CDC123: variants seen among roughly 807,000 people sequenced by gnomAD.
CDC123 encodes the protein translation initiation factor eIF2 assembly protein.
CDC123 carries 37 observed loss-of-function variants against 54.4 expected under a neutral mutation model. That is an observed-to-expected ratio of 0.68 (90% CI 0.52 to 0.89). The LOEUF (loss-of-function observed/expected upper bound fraction) is 0.89, where lower values mean the gene tolerates loss of function less well. Ranked by LOEUF, CDC123 falls within the 40% of genes least tolerant of loss-of-function variation. The pLI is 0.00. For synonymous variants in CDC123, 144 were observed against 136.8 expected (o/e 1.05, Z -0.37); for missense variants, 361 against 412.1 (o/e 0.88, Z 1.07).
chr10:12,219,419 T>C (rs1835704832), intron 6 of CDC123, among the ~76,000 whole-genome samples: 1 of 152,164 alleles, frequency 6.6e-6, no homozygotes. Context: ...CCCAAGCTGG[T>C]CTCAAACTCC....
At chr10:12,237,386 C>G (rs1379966211) in intron 9 of CDC123, 120 bp downstream of exon 9, 12 of 726,768 alleles carry the variant, frequency 1.7e-5, no homozygotes, top group African/African-American at 1.9e-5. Context: ...AAGCATTTTA[C>G]TATATTATTA....
In CDC123 at chr10:12,216,176, A is replaced by C. The variant is rs78251534; in HGVS notation, c.333+341A>C. Among the ~76,000 whole-genome samples, 913 of 152,362 alleles carry C rather than the reference A, an allele frequency of 6.0e-3. 12 individuals are homozygous for C. The highest frequency in any genetic ancestry group is 0.02 in the African/African-American group (852 of 41,576). ...TTGTTGAAAAGTAATAAAAATAAAAAAAGTAATAGTGTCATAGGCTATAGA... is the reference window on the plus strand; with the variant it reads ...TTGTTGAAAAGTAATAAAAATAAAACAAGTAATAGTGTCATAGGCTATAGA... On this transcript the variant is annotated intron_variant, in intron 5 of 12. Coordinates refer to ENST00000281141, the MANE Select transcript of CDC123 (RefSeq NM_006023.3).
intron 2 of CDC123, among the ~76,000 whole-genome samples, chr10:12,201,313 A>C (rs942287958): frequency 1.3e-5 from 2 of 152,218 alleles, no homozygotes; most frequent in African/African-American, 4.8e-5. Flanking sequence ...GCAAACACAC[A>C]AGAGAATATA....
chr10:12,234,369 CA>C (rs1283120639), intron 7 of CDC123, among the ~76,000 whole-genome samples: 1 of 152,244 alleles, frequency 6.6e-6, no homozygotes, highest in African/African-American at 2.4e-5. Context: ...AGGCACCCGC[CA>C]CCATGCCTGG....
intron 1 of CDC123, among the ~76,000 whole-genome samples, chr10:12,197,600 A>C (rs1195144510): frequency 6.6e-6 from 1 of 151,530 alleles, no homozygotes; most frequent in Non-Finnish European, 1.5e-5. Flanking sequence ...GATGGTCTCG[A>C]TTGCCTGACC....
chr10:12,218,944 A>C (rs1835696820), intron 6 of CDC123, among the ~76,000 whole-genome samples: 1 of 152,216 alleles, frequency 6.6e-6, no homozygotes, highest in Non-Finnish European at 1.5e-5. Flanking sequence ...CATCTTAAAC[A>C]GACCAGTTAT....
intron 10 of CDC123, among the ~76,000 whole-genome samples, chr10:12,241,446 A>G (rs755347880): frequency 1.3e-5 from 2 of 152,004 alleles, no homozygotes; most frequent in Non-Finnish European, 2.9e-5. Context: ...CTCCATTTCA[A>G]TATTGGATGT....
At chr10:12,249,980 AGT>A (rs1278288906) in intron 12 of CDC123, 1 of 499,350 alleles carries the variant, frequency 2.0e-6, no homozygotes, top group Non-Finnish European at 3.4e-6. Flanking sequence ...CTTTGAAGAA[AGT>A]GTGTATATTG....
chr10:12,233,120 C>T (rs1468210066), intron 7 of CDC123, among the ~76,000 whole-genome samples: 2 of 152,080 alleles, frequency 1.3e-5, no homozygotes, highest in Non-Finnish European at 2.9e-5. Context: ...GCAGTTTGCT[C>T]TCTTATTGCC....
At chr10:12,213,595 G>A (rs963831807) in intron 4 of CDC123, among the ~76,000 whole-genome samples, 2 of 151,710 alleles carry the variant, frequency 1.3e-5, no homozygotes, top group Non-Finnish European at 2.9e-5. Flanking sequence ...GACGTTACTA[G>A]GACACTTGGC....
At chr10:12,216,934 A>G (rs913020007) in intron 5 of CDC123, among the ~76,000 whole-genome samples, 1 of 152,214 alleles carries the variant, frequency 6.6e-6, no homozygotes, top group Non-Finnish European at 1.5e-5. Flanking sequence ...TCCAGCCGCC[A>G]AAGTTCAAGT....
chr10:12,207,656 G>A (rs767338569), intron 2 of CDC123, among the ~76,000 whole-genome samples: 2 of 152,284 alleles, frequency 1.3e-5, no homozygotes, highest in South Asian at 2.1e-4. Context: ...GTCCTCTGGG[G>A]TTGCTCAGTT....
At chr10:12,249,306 C>T (rs1432439293) in intron 11 of CDC123, among the ~76,000 whole-genome samples, 5 of 152,026 alleles carry the variant, frequency 3.3e-5, no homozygotes, top group Non-Finnish European at 4.4e-5. Flanking sequence ...GGCGTGGTGG[C>T]GCATGCCTAT....
At position 12,199,878 on chromosome 10, in the gene CDC123, A is replaced by G. The variant is rs551169751; in HGVS notation, c.146+1102A>G. On this transcript the variant is annotated intron_variant, in intron 2 of 12. Transcript: ENST00000281141. ...CGCTCTGTCACCCAGGCTGGAGTGC[A>G]GTGGCGTGATCTCAGCTCACTTCAA... 5.3e-5 allele frequency among the ~76,000 whole-genome samples: 8 copies of G among 152,190 alleles called. No individual in the cohort carries two copies. In the South Asian group the frequency reaches 1.7e-3, roughly 32 times the overall value.
At chr10:12,246,790 C>G (rs879106325) in intron 11 of CDC123, 1 of 153,802 alleles carries the variant, frequency 6.5e-6, no homozygotes, top group African/African-American at 2.4e-5. Context: ...CAGTTGATTT[C>G]TCATCACACC....
intron 7 of CDC123, 37 bp from the exon 8 acceptor site, chr10:12,235,011 G>C (rs764586876): frequency 2.0e-6 from 3 of 1,496,792 alleles, no homozygotes; most frequent in East Asian, 4.5e-5. Flanking sequence ...TTACCACATA[G>C]GTGTGTTATA....
At chr10:12,200,546 C>T (rs1437844564) in intron 2 of CDC123, among the ~76,000 whole-genome samples, 1 of 152,194 alleles carries the variant, frequency 6.6e-6, no homozygotes, top group East Asian at 1.9e-4. Context: ...TGGTAAATCT[C>T]AGTAGTGTAA....
chr10:12,244,041 G>A (rs1836095421), intron 10 of CDC123, among the ~76,000 whole-genome samples: 1 of 152,114 alleles, frequency 6.6e-6, no homozygotes, highest in Non-Finnish European at 1.5e-5. Context: ...ATAAAATGAG[G>A]AACTTACCTA....
chr10:12,233,940 A>G (rs946693070), intron 7 of CDC123, among the ~76,000 whole-genome samples: 1 of 152,010 alleles, frequency 6.6e-6, no homozygotes, highest in African/African-American at 2.4e-5. Flanking sequence ...CCAAGGGTAG[A>G]ATTGATCGAC....
Sources: allele counts gnomAD v4.1 joint callset (sites outside exome capture counted in the v4.1 genomes callset), GRCh38; gene constraint gnomAD v4.1.1; transcripts MANE v1.5; gene names NCBI Gene and HGNC (gene_info 2026-07-23, HGNC 2026-07-21).